RASSF4: variants seen among roughly 807,000 people sequenced by gnomAD.
The protein encoded by RASSF4 is ras association domain-containing protein 4.
In RASSF4, 38 loss-of-function variants were observed where a neutral mutation model predicts 41.1. The observed-to-expected ratio is 0.92, with a 90% confidence interval of 0.71 to 1.21. RASSF4 has a LOEUF of 1.21. Among genes scored for constraint, RASSF4 ranks in the 50% most tolerant of loss-of-function variants. RASSF4 has a pLI of 0.00. For missense variants in RASSF4, 414 were observed against 419.4 expected (o/e 0.99, Z 0.11); for synonymous variants, 179 against 163.4 (o/e 1.10, Z -0.73).
intron 3 of RASSF4, chr10:44,977,109 A>G (rs1021392709): frequency 2.3e-5 from 8 of 344,822 alleles, no homozygotes; most frequent in Non-Finnish European, 4.2e-5. Context: ...AATTATCCCT[A>G]TATTACCCAT....
At chr10:44,973,401 G>T (rs1048577157) in intron 3 of RASSF4, among the ~76,000 whole-genome samples, 6 of 152,186 alleles carry the variant, frequency 3.9e-5, no homozygotes, top group African/African-American at 1.4e-4. Context: ...CACCTGTGCT[G>T]TTAACACACG....
chr10:44,984,750 C>T (rs1438242144), intron 5 of RASSF4, 63 bp from the exon 6 acceptor site: 16 of 1,578,582 alleles, frequency 1.0e-5, no homozygotes, highest in Middle Eastern at 3.4e-4. Flanking sequence ...GATCTCCCGA[C>T]AGCAGGCAGT....
chr10:44,964,093 G>A (rs1298283545), intron 1 of RASSF4, among the ~76,000 whole-genome samples: 1 of 152,250 alleles, frequency 6.6e-6, no homozygotes, highest in Non-Finnish European at 1.5e-5. Context: ...AAGGAAAGAC[G>A]GCCCATGCCT....
At chr10:44,979,551 C>T (rs1323233569) in intron 3 of RASSF4, among the ~76,000 whole-genome samples, 4 of 152,224 alleles carry the variant, frequency 2.6e-5, no homozygotes, top group East Asian at 1.9e-4. Context: ...GGTGGGCTGC[C>T]GCCACAGGTA....
chr10:44,993,392 G>A lies in RASSF4; in HGVS notation c.*63G>A. 7.3e-7 allele frequency: 1 copy of A among 1,370,256 alleles called. No homozygotes were observed. Among genetic ancestry groups the A allele is most frequent in the East Asian group, 2.5e-5 (1 of 40,154 alleles). The allele number at this position is 1,370,256 out of a possible 1,614,324, so 84.9% of individuals were successfully genotyped here. On this transcript the variant is annotated 3_prime_UTR_variant, in exon 11 of 11. Transcript: ENST00000340258. The stretch of plus-strand genomic sequence containing the variant: ...GGCAGGTGTACACTGAGCCCTGGTT[G>A]CTGGCCCCGGCCGGTCACATTGACT...
Position 44,977,219 on chromosome 10 carries a change from G to A in RASSF4, c.139-5302G>A, listed in dbSNP as rs1187420181. 7.7e-6 allele frequency: 6 copies of A among 777,852 alleles called. No homozygotes were observed. In the Admixed American group the frequency reaches 1.6e-4, roughly 21 times the overall value. The allele number at this position is 777,852 out of a possible 1,614,324, so 48.2% of individuals were successfully genotyped here. ...TGGTAACATCTCCTCATGTGAAACA[G>A]GCTGTTATCATATTCAGAGGGGGTC... On this transcript the variant is annotated intron_variant, in intron 3 of 10. Coordinates refer to ENST00000340258, the MANE Select transcript of RASSF4 (RefSeq NM_032023.4).
chr10:44,962,817 G>A (rs1031362377), intron 1 of RASSF4, among the ~76,000 whole-genome samples: 2 of 152,234 alleles, frequency 1.3e-5, no homozygotes, highest in Non-Finnish European at 2.9e-5. Context: ...TGTTTAAGGT[G>A]TAAGGGGGGA....
chr10:44,977,880 T>A, intron 3 of RASSF4: 1 of 1,612,146 alleles, frequency 6.2e-7, no homozygotes, highest in Non-Finnish European at 8.5e-7. Context: ...AGCACAGAGG[T>A]GGGCTGTGCC....
In RASSF4 at chr10:44,990,918, G is replaced by A. The variant is rs7918812; in HGVS notation, c.686-30G>A. 2.1e-3 allele frequency: 3,305 copies of A among 1,605,036 alleles called. 61 individuals carry two copies. The African/African-American group carries it at 0.038, about 19-fold the overall frequency. ...CAGACAGAGGTGATCCTAATCTCCC[G>A]TGATTTTTGTAAACCACCTTCTTTT... On this transcript the variant is annotated intron_variant, in intron 8 of 10. Transcript: ENST00000340258.
chr10:44,980,680 C>T (rs3758401), intron 3 of RASSF4, among the ~76,000 whole-genome samples: 89,677 of 152,050 alleles, frequency 0.59, 27,156 homozygotes, highest in Admixed American at 0.7. Context: ...TCTCCTTCTG[C>T]GTCCAAGCCC....
chr10:44,959,996 C>A (rs913492210), intron 1 of RASSF4, 130 bp downstream of exon 1: 2 of 152,264 alleles, frequency 1.3e-5, no homozygotes, highest in African/African-American at 2.4e-5. Context: ...CAGGGTCCCT[C>A]CCCCGCCAGC....
intron 6 of RASSF4, among the ~76,000 whole-genome samples, chr10:44,986,177 C>T (rs1841913686): frequency 1.3e-5 from 2 of 152,000 alleles, no homozygotes; most frequent in African/African-American, 4.8e-5. Context: ...ATGTTCCTTA[C>T]CAAAAAAAGG....
chr10:44,989,747 C>T lies in RASSF4; in HGVS notation c.685+26C>T, dbSNP rs372703051. ...GTAAGTACCTGCCCCACTTCTGGAT[C>T]GTAAAAGCAAAAGGTCTCTACCTGT... On this transcript the variant is annotated intron_variant, in intron 8 of 10. Transcript: ENST00000340258. 72 of 1,608,792 alleles carry T rather than the reference C, an allele frequency of 4.5e-5. No individual in the cohort carries two copies. In the African/African-American group the frequency reaches 6.5e-4, roughly 15 times the overall value.
intron 3 of RASSF4, chr10:44,978,004 C>T (rs767156410): frequency 1.2e-6 from 2 of 1,611,064 alleles, no homozygotes; most frequent in Admixed American, 1.7e-5. Context: ...GCAGATGGGC[C>T]ACGGAGAGCA....
intron 6 of RASSF4, among the ~76,000 whole-genome samples, chr10:44,986,721 T>A (rs1841933585): frequency 6.6e-6 from 1 of 152,216 alleles, no homozygotes; most frequent in South Asian, 2.1e-4. Flanking sequence ...GGGGACAGAT[T>A]CCTTGAGTCA....
chr10:44,980,309 T>C (rs1318024035), intron 3 of RASSF4, among the ~76,000 whole-genome samples: 1 of 152,232 alleles, frequency 6.6e-6, no homozygotes, highest in Admixed American at 6.5e-5. Flanking sequence ...GTAGACCCTT[T>C]GTCTAGTTCG....
chr10:44,975,803 A>G (rs1841399602), intron 3 of RASSF4, among the ~76,000 whole-genome samples: 1 of 151,426 alleles, frequency 6.6e-6, no homozygotes, highest in Non-Finnish European at 1.5e-5. Flanking sequence ...GGTATTAGTG[A>G]GGAAGCCCGG....
intron 5 of RASSF4, 100 bp from the exon 6 acceptor site, chr10:44,984,713 A>C: frequency 4.5e-6 from 6 of 1,338,656 alleles, no homozygotes; most frequent in Non-Finnish European, 6.3e-6. Context: ...GCCCCAGTGC[A>C]CGTGACCACA....
intron 1 of RASSF4, among the ~76,000 whole-genome samples, chr10:44,966,354 G>T (rs192655468): frequency 1.3e-5 from 2 of 152,172 alleles, no homozygotes; most frequent in Non-Finnish European, 2.9e-5. Context: ...AAATCATGCC[G>T]TGTCGTGAAT....
Sources: gnomAD v4.1 joint callset for allele counts (sites outside exome capture counted in the v4.1 genomes callset) on GRCh38, gnomAD v4.1.1 for gene constraint, MANE v1.5 for transcripts, NCBI Gene and HGNC (gene_info 2026-07-23, HGNC 2026-07-21) for gene names.